WNT3: variants seen among roughly 807,000 people sequenced by gnomAD.
The protein encoded by WNT3 is Wnt family member 3.
In WNT3, 7 loss-of-function variants were observed where a neutral mutation model predicts 34.2. The ratio of observed to expected loss-of-function variants is 0.20; its 90% CI spans 0.12 to 0.38. The LOEUF is 0.38. Among genes scored for constraint, WNT3 ranks in the 10% least tolerant of loss-of-function variants. The pLI is 1.00. For synonymous variants in WNT3, 212 were observed against 211.5 expected (o/e 1.00, Z -0.02); for missense variants, 267 against 499.8 (o/e 0.53, Z 4.44).
chr17:46,779,105 C>CACACA (rs1568079934), intron 1 of WNT3, among the ~76,000 whole-genome samples: 1 of 35,396 alleles, frequency 2.8e-5, no homozygotes, highest in Non-Finnish European at 6.7e-5. Context: ...ACACACACAC[C>CACACA]CCAGCCCACT....
chr17:46,775,108 G>A (rs1269280474), intron 1 of WNT3, among the ~76,000 whole-genome samples: 4 of 152,238 alleles, frequency 2.6e-5, no homozygotes, highest in African/African-American at 9.6e-5. Context: ...GTACACAAAA[G>A]CTTCTGGGCT....
intron 1 of WNT3, among the ~76,000 whole-genome samples, chr17:46,798,539 C>T (rs2084082892): frequency 1.3e-5 from 2 of 152,212 alleles, no homozygotes; most frequent in Non-Finnish European, 2.9e-5. Flanking sequence ...CTTCTTCACC[C>T]TGAATTCCTT....
In WNT3 at chr17:46,762,748, T is replaced by C. The variant is rs1032998272; in HGVS notation, c.*1882A>G. On this transcript the variant is annotated 3_prime_UTR_variant, in exon 5 of 5. Coordinates refer to ENST00000225512, the MANE Select transcript of WNT3 (RefSeq NM_030753.5). ...ACAGCAGGTTGGTAGGAAATTTCGGTTGGATACTATTACCTGACTACGGCG... is the reference window on the plus strand; with the variant it reads ...ACAGCAGGTTGGTAGGAAATTTCGGCTGGATACTATTACCTGACTACGGCG... 1 of 152,136 alleles carries C rather than the reference T, an allele frequency of 6.6e-6. No homozygotes were observed. The highest frequency in any genetic ancestry group is 1.5e-5 in the Non-Finnish European group (1 of 68,016). 9.4% of individuals were successfully genotyped at this position (152,136 alleles called of 1,614,324 possible).
At chr17:46,786,744 C>T (rs1038549454) in intron 1 of WNT3, among the ~76,000 whole-genome samples, 4 of 152,162 alleles carry the variant, frequency 2.6e-5, no homozygotes, top group African/African-American at 9.7e-5. Context: ...CAGAGGCCTA[C>T]TTGGGGTCAC....
At chr17:46,777,380 T>C (rs892065704) in intron 1 of WNT3, among the ~76,000 whole-genome samples, 3 of 152,256 alleles carry the variant, frequency 2.0e-5, no homozygotes, top group Non-Finnish European at 4.4e-5. Flanking sequence ...AGGGGCTCCC[T>C]GCTTCCTGGT....
chr17:46,772,812 C>T (rs1331961187), intron 2 of WNT3, among the ~76,000 whole-genome samples: 5 of 148,316 alleles, frequency 3.4e-5, no homozygotes, highest in African/African-American at 1.2e-4. Context: ...ACGTCAGATC[C>T]CTTTTCTTTC....
chr17:46,775,956 C>T (rs917906690), intron 1 of WNT3, among the ~76,000 whole-genome samples: 12 of 152,226 alleles, frequency 7.9e-5, no homozygotes, highest in African/African-American at 9.6e-5. Context: ...TTACTGATTT[C>T]CCCGGTGCCT....
At chr17:46,810,826 G>C (rs949821224) in intron 1 of WNT3, among the ~76,000 whole-genome samples, 1 of 152,116 alleles carries the variant, frequency 6.6e-6, no homozygotes, top group African/African-American at 2.4e-5. Context: ...CTGAGACTCA[G>C]AACAGTTCAG....
chr17:46,804,276 CG>C (rs1228948535), intron 1 of WNT3, among the ~76,000 whole-genome samples: 28 of 151,890 alleles, frequency 1.8e-4, no homozygotes, highest in Non-Finnish European at 4.1e-4. Context: ...TTAGTAGAGA[CG>C]GGGTTTCAGC....
rs763153556 is a variant in WNT3 at position 46,768,302 on chromosome 17, G to A, written c.*8+10C>T. ...GCTCCCAGCCTCCCCCCTGCTTCCCGGAGCCCTACCTGGTGCCCTACTTGC... is the reference window on the plus strand; with the variant it reads ...GCTCCCAGCCTCCCCCCTGCTTCCCAGAGCCCTACCTGGTGCCCTACTTGC... On this transcript the variant is annotated intron_variant, in intron 4 of 4. Coordinates refer to ENST00000225512, the MANE Select transcript of WNT3 (RefSeq NM_030753.5). The surrounding 1 kb of genome is among the most constrained non-coding windows in gnomAD (Gnocchi z 5.0). 4.3e-6 allele frequency: 7 copies of A among 1,612,940 alleles called. No individual in the cohort carries two copies. The highest frequency in any genetic ancestry group is 4.5e-5 in the East Asian group (2 of 44,888).
At chr17:46,800,166 A>G (rs2084105932) in intron 1 of WNT3, among the ~76,000 whole-genome samples, 1 of 152,126 alleles carries the variant, frequency 6.6e-6, no homozygotes, top group African/African-American at 2.4e-5. Context: ...GCTGGAGTGC[A>G]GTGGCGCGAT....
intron 2 of WNT3, 32 bp downstream of exon 2, chr17:46,773,635 GC>G (rs1236634267): frequency 4.6e-6 from 1 of 218,072 alleles, no homozygotes; most frequent in Non-Finnish European, 8.0e-6. Flanking sequence ...CCCCCACCCA[GC>G]CCCTCCCCCC....
intron 1 of WNT3, among the ~76,000 whole-genome samples, chr17:46,777,780 G>A (rs2059424136): frequency 6.6e-6 from 1 of 152,248 alleles, no homozygotes; most frequent in Admixed American, 6.5e-5. Flanking sequence ...ATGCAAGGAA[G>A]TGGCTGAGCC....
chr17:46,776,751 G>A (rs2059415496), intron 1 of WNT3, among the ~76,000 whole-genome samples: 1 of 152,158 alleles, frequency 6.6e-6, no homozygotes, highest in Admixed American at 6.5e-5. Context: ...CAAGACCCAG[G>A]GAAGAAGCCT....
At chr17:46,795,851 CTCTCTG>C (rs1223291155) in intron 1 of WNT3, among the ~76,000 whole-genome samples, 12 of 152,206 alleles carry the variant, frequency 7.9e-5, no homozygotes, top group African/African-American at 2.2e-4. Flanking sequence ...CTCTCTGTCT[CTCTCTG>C]TCTCTGTCTC....
chr17:46,770,044 G>C lies in WNT3; in HGVS notation c.327C>G (p.Thr109=). The C allele has an allele frequency of 1.3e-6, 2 of 1,546,146 alleles. No homozygotes were observed. The highest frequency in any genetic ancestry group is 2.4e-5 in the East Asian group (1 of 41,288). ...TGGCGTGAACGAAGGCCGACTCGCG[G>C]GTGGCTGCGGGGAGGTCGTGGGGAG... is the stretch of plus-strand genomic sequence containing the variant. ...AIFGPVLDKA[T]RESAFVHAIA... The change falls in exon 3 of 5, where the codon ACC becomes ACG. Residue 109 remains threonine (T), a synonymous_variant. Transcript: ENST00000225512.
intron 4 of WNT3, among the ~76,000 whole-genome samples, chr17:46,767,774 T>G (rs949265863): frequency 2.0e-5 from 3 of 149,622 alleles, no homozygotes; most frequent in East Asian, 2.0e-4. Flanking sequence ...CTGAATTTTG[T>G]TTTTTTTTGT....
intron 1 of WNT3, among the ~76,000 whole-genome samples, chr17:46,813,599 G>T (rs752445775): frequency 6.6e-6 from 1 of 151,892 alleles, no homozygotes; most frequent in African/African-American, 2.4e-5. Context: ...AAAAGGTTCT[G>T]CTCAACTCCT....
intron 1 of WNT3, among the ~76,000 whole-genome samples, chr17:46,775,609 C>CTTTTT (rs1223588575): frequency 4.5e-5 from 5 of 111,632 alleles, no homozygotes; most frequent in Admixed American, 9.1e-5. Flanking sequence ...GCCAGAAGTT[C>CTTTTT]TTTTTTTTTT....
Sources: allele counts gnomAD v4.1 joint callset (sites outside exome capture counted in the v4.1 genomes callset), GRCh38; gene constraint gnomAD v4.1.1; non-coding constraint Gnocchi (gnomAD v3.1); transcripts MANE v1.5; gene names NCBI Gene and HGNC (gene_info 2026-07-23, HGNC 2026-07-21).